MLLT1: variants seen among roughly 807,000 people sequenced by gnomAD.
MLLT1 encodes MLLT1 super elongation complex subunit.
In MLLT1, 11 loss-of-function variants were observed where a neutral mutation model predicts 55.1. The ratio of observed to expected loss-of-function variants is 0.20; its 90% CI spans 0.13 to 0.33. MLLT1 has a LOEUF of 0.33. Among genes scored for constraint, MLLT1 ranks in the 10% least tolerant of loss-of-function variants. The pLI is 1.00. For missense variants in MLLT1, 536 were observed against 760.6 expected, an observed-to-expected ratio of 0.70 and a Z score of 3.47; for synonymous variants, 323 against 320.1, an observed-to-expected ratio of 1.01 and a Z score of -0.10.
At position 6,277,551 on chromosome 19, in the gene MLLT1, G is replaced by C. The variant is rs969446960; in HGVS notation, c.12+2222C>G. Among the ~76,000 whole-genome samples the C allele has an allele frequency of 2.6e-5, 4 of 152,174 alleles. No homozygotes were observed. The East Asian group carries it at 7.7e-4, about 29-fold the overall frequency. On this transcript the variant is annotated intron_variant, in intron 1 of 11. Coordinates refer to ENST00000252674, the MANE Select transcript of MLLT1 (RefSeq NM_005934.4). The stretch of plus-strand genomic sequence containing the variant: ...TGACTGTGGTACCGGGCAGTGCAAA[G>C]CCAGCTCTCTCCCACACCTGTCCAC...
chr19:6,253,264 CAAAAAAAAAAAAAAAAAAAA>C (rs71172800), intron 3 of MLLT1, among the ~76,000 whole-genome samples: 1 of 24,550 alleles, frequency 4.1e-5, no homozygotes, highest in Non-Finnish European at 8.5e-5. Flanking sequence ...GACCCCATCT[CAAAAAAAAAAAAAAAAAAAA>C]AAAAAAAAAA....
intron 3 of MLLT1, among the ~76,000 whole-genome samples, chr19:6,245,067 G>A (rs925622885): frequency 6.6e-6 from 1 of 152,162 alleles, no homozygotes; most frequent in Non-Finnish European, 1.5e-5. Context: ...GGGGCCAGGT[G>A]TGTTGGCTCA....
At chr19:6,266,989 G>A (rs1228022359) in intron 2 of MLLT1, among the ~76,000 whole-genome samples, 1 of 152,150 alleles carries the variant, frequency 6.6e-6, no homozygotes, top group African/African-American at 2.4e-5. Context: ...AGAAAGCCAG[G>A]TAAGGCGGCT....
chr19:6,211,902 G>GCGGGCCAGGCCGCGA lies in MLLT1; in HGVS notation c.*1125_*1139dup, dbSNP rs1276504582. ...ATGAATTGCGGCGGTGGAGGCCGGG[G>GCGGGCCAGGCCGCGA]CGGGCCAGGCCGCGACCAGAGAGAA... On this transcript the variant is annotated 3_prime_UTR_variant, in exon 12 of 12. Coordinates refer to ENST00000252674, the MANE Select transcript of MLLT1 (RefSeq NM_005934.4). The surrounding 1 kb of genome is among the most constrained non-coding windows in gnomAD (Gnocchi z 4.6). 3.8e-6 allele frequency: 4 copies of GCGGGCCAGGCCGCGA among 1,064,616 alleles called. No homozygotes were observed. The African/African-American group carries it at 4.9e-5, about 13-fold the overall frequency. The allele number at this position is 1,064,616 out of a possible 1,614,324, so 65.9% of individuals were successfully genotyped here. A position where few individuals can be genotyped will look rare whatever the true frequency, so the allele number is the denominator to read the frequency against.
Position 6,212,899 on chromosome 19 carries a change from A to T in MLLT1, c.*143T>A. On this transcript the variant is annotated 3_prime_UTR_variant, in exon 12 of 12. Transcript: ENST00000252674. The stretch of plus-strand genomic sequence containing the variant: ...GAGAGTGGGCAGGGAGCCGCCGAGG[A>T]AAGTGCAGCGGGCTGTGCGGGCGAG... 1 of 1,147,834 alleles carries T rather than the reference A, an allele frequency of 8.7e-7. No homozygotes were observed. The highest frequency in any genetic ancestry group is 1.2e-6 in the Non-Finnish European group (1 of 835,080). 71.1% of individuals were successfully genotyped at this position (1,147,834 alleles called of 1,614,324 possible).
At position 6,258,947 on chromosome 19, in the gene MLLT1, G is replaced by A. The variant is rs146605669; in HGVS notation, c.276+3281C>T. Among the ~76,000 whole-genome samples, 423 of 152,206 alleles carry A rather than the reference G, an allele frequency of 2.8e-3. 4 individuals are homozygous for A. Among genetic ancestry groups the A allele is most frequent in the African/African-American group, 9.5e-3 (393 of 41,512 alleles). ...AAATGCCTACTATGTGCCACGCGCC[G>A]GGCCAAGTGCTACACCTGCTGTCTC... On this transcript the variant is annotated intron_variant, in intron 3 of 11. Transcript: ENST00000252674.
chr19:6,222,292 G>A lies in MLLT1; in HGVS notation c.939C>T (p.Gly313=). The change falls in exon 6 of 12, where the codon GGC becomes GGT. Residue 313 remains glycine (G), a synonymous_variant. Transcript: ENST00000252674. This position sits in a 1 kb window ranked among gnomAD's most constrained non-coding sequence, Gnocchi z 4.1. ...AGGAGGAGGAGGTGCGGGGCGAGGT[G>A]CCTGGAGCACTCCGGGACCCCTTCG... is the stretch of plus-strand genomic sequence containing the variant. ...SSSKGSRSAP[G]TSPRTSSSSS... 6.2e-7 allele frequency: 1 copy of A among 1,609,488 alleles called. No homozygotes were observed. Among genetic ancestry groups the A allele is most frequent in the South Asian group, 1.1e-5 (1 of 90,546 alleles).
intron 3 of MLLT1, among the ~76,000 whole-genome samples, chr19:6,244,534 A>G (rs945704373): frequency 6.6e-6 from 1 of 152,194 alleles, no homozygotes; most frequent in African/African-American, 2.4e-5. Context: ...AAAGGGTTTC[A>G]GACACAAAAC....
rs1344350751 is a variant in MLLT1 at position 6,260,899 on chromosome 19, G to A, written c.276+1329C>T. Among the ~76,000 whole-genome samples, 6 of 152,244 alleles carry A rather than the reference G, an allele frequency of 3.9e-5. No homozygotes were observed. The East Asian group carries it at 1.2e-3, about 29-fold the overall frequency. On this transcript the variant is annotated intron_variant, in intron 3 of 11. Coordinates refer to ENST00000252674, the MANE Select transcript of MLLT1 (RefSeq NM_005934.4). ...GCCCAAACTGCTTCTGAACCTCAGA[G>A]GACCTTAATCTAAGTCACCCCAGAG...
intron 9 of MLLT1, 40 bp downstream of exon 9, chr19:6,213,899 G>A (rs201173957): frequency 2.4e-5 from 36 of 1,492,256 alleles, no homozygotes; most frequent in Admixed American, 2.0e-4. Context: ...GGCTAAGCCC[G>A]GCCTCTGGTG....
chr19:6,253,485 C>T (rs558486154), intron 3 of MLLT1, among the ~76,000 whole-genome samples: 65 of 151,994 alleles, frequency 4.3e-4, no homozygotes, highest in Middle Eastern at 6.8e-3. Context: ...TTTATGAGGG[C>T]GGCATTACCC....
chr19:6,222,082 T>C lies in MLLT1; in HGVS notation c.1110+39A>G. On this transcript the variant is annotated intron_variant, in intron 6 of 11. Coordinates refer to ENST00000252674, the MANE Select transcript of MLLT1 (RefSeq NM_005934.4). This position sits in a 1 kb window ranked among gnomAD's most constrained non-coding sequence, Gnocchi z 4.1. ...AGAAGGGAGGCGGGTCCCACCACAC[T>C]GCCTGCACCTGGCTGCCCTGCCCCC... 6.9e-7 allele frequency: 1 copy of C among 1,439,578 alleles called. No individual in the cohort carries two copies. 89.2% of individuals were successfully genotyped at this position (1,439,578 alleles called of 1,614,324 possible). A position where few individuals can be genotyped will look rare whatever the true frequency, so the allele number is the denominator to read the frequency against.
chr19:6,220,269 T>G (rs1031640472), intron 6 of MLLT1, among the ~76,000 whole-genome samples: 4 of 152,222 alleles, frequency 2.6e-5, no homozygotes, highest in Non-Finnish European at 5.9e-5. Context: ...GCCGATGTGC[T>G]TCTTCACCAT....
intron 1 of MLLT1, among the ~76,000 whole-genome samples, chr19:6,277,370 G>A (rs1322689928): frequency 6.6e-6 from 1 of 152,220 alleles, no homozygotes. Flanking sequence ...AACTTTCTGC[G>A]ATGATGGAAA....
chr19:6,247,098 C>T (rs73555997), intron 3 of MLLT1, among the ~76,000 whole-genome samples: 2,118 of 152,244 alleles, frequency 0.014, 60 homozygotes, highest in African/African-American at 0.046. Context: ...GTGAATGAGC[C>T]CGCTGGTGCT....
At chr19:6,265,049 C>CAAAAAAAAAAAAAAAAAAAAAAAAAA (rs2091336941) in intron 2 of MLLT1, among the ~76,000 whole-genome samples, 1 of 23,302 alleles carries the variant, frequency 4.3e-5, no homozygotes, top group Non-Finnish European at 1.2e-4. Context: ...AAAAAAAAAA[C>CAAAAAAAAAAAAAAAAAAAAAAAAAA]AAAAAAACAA....
chr19:6,270,145 T>C lies in MLLT1; in HGVS notation c.193+434A>G, dbSNP rs1270759247. Among the ~76,000 whole-genome samples, 1 of 150,242 alleles carries C rather than the reference T, an allele frequency of 6.7e-6. No individual in the cohort carries two copies. The highest frequency in any genetic ancestry group is 1.5e-5 in the Non-Finnish European group (1 of 67,446). Reference sequence around the variant, plus strand: ...GCTGAATCAATGACGGCCTGAGGCTTGAAGGGAGAGGGAAGACACGGAAAA... The same window carrying C: ...GCTGAATCAATGACGGCCTGAGGCTCGAAGGGAGAGGGAAGACACGGAAAA... On this transcript the variant is annotated intron_variant, in intron 2 of 11. Coordinates refer to ENST00000252674, the MANE Select transcript of MLLT1 (RefSeq NM_005934.4). The surrounding 1 kb of genome is among the most constrained non-coding windows in gnomAD (Gnocchi z 7.1).
At position 6,270,492 on chromosome 19, in the gene MLLT1, T is replaced by TC; in HGVS notation, c.193+86dup. Reference sequence around the variant, plus strand: ...CTCATGGTTGGAGGGGTCCTGCTGCTCCTGAGGGAGGGGTGGAGCCTGGCC... The same window carrying TC: ...CTCATGGTTGGAGGGGTCCTGCTGCTCCCTGAGGGAGGGGTGGAGCCTGGCC... On this transcript the variant is annotated intron_variant, in intron 2 of 11. Coordinates refer to ENST00000252674, the MANE Select transcript of MLLT1 (RefSeq NM_005934.4). The surrounding 1 kb of genome is among the most constrained non-coding windows in gnomAD (Gnocchi z 7.1). The TC allele has an allele frequency of 7.0e-7, 1 of 1,422,566 alleles. No individual in the cohort carries two copies. The highest frequency in any genetic ancestry group is 2.4e-5 in the East Asian group (1 of 42,012). 88.1% of individuals were successfully genotyped at this position (1,422,566 alleles called of 1,614,324 possible). A position where few individuals can be genotyped will look rare whatever the true frequency, so the allele number is the denominator to read the frequency against.
rs2090962575 is a variant in MLLT1, at chr19:6,227,000, T to C, written c.523A>G (p.Thr175Ala). ...ACCTTGGAGCCGTGGGATGGTTTGG[T>C]CTTCTTGGGGTCAGAGAAGGCAGAG... Reference protein sequence around the residue: ...PLSAFSDPKKTKPSHGSKDAN... With the variant: ...PLSAFSDPKKAKPSHGSKDAN... The change falls in exon 5 of 12, where the codon ACC (threonine) becomes GCC (alanine). Residue 175 changes from threonine to alanine, a missense_variant. Thr to Ala is a moderately conservative substitution (Grantham distance 58, BLOSUM62 0). Transcript: ENST00000252674. This position sits in a 1 kb window ranked among gnomAD's most constrained non-coding sequence, Gnocchi z 6.3. 6.2e-7 allele frequency: 1 copy of C among 1,603,184 alleles called. No individual in the cohort carries two copies. Among genetic ancestry groups the C allele is most frequent in the South Asian group, 1.1e-5 (1 of 89,264 alleles).
Sources: allele counts gnomAD v4.1 joint callset (sites outside exome capture counted in the v4.1 genomes callset), GRCh38; gene constraint gnomAD v4.1.1; non-coding constraint Gnocchi (gnomAD v3.1); transcripts MANE v1.5; gene names NCBI Gene and HGNC (gene_info 2026-07-23, HGNC 2026-07-21).